ATOSA: variants seen among roughly 807,000 people sequenced by gnomAD.
ATOSA encodes the protein atos homolog protein A.
the ATOSA span, among the ~76,000 whole-genome samples, chr15:52,614,903 T>G: frequency 3.9e-5 from 6 of 152,158 alleles, no homozygotes; most frequent in Non-Finnish European, 5.9e-5. Context: ...TGCACACAAA[T>G]CATCACTAAT....
the ATOSA span, among the ~76,000 whole-genome samples, chr15:52,583,972 A>G: frequency 6.6e-6 from 1 of 151,968 alleles, no homozygotes; most frequent in African/African-American, 2.4e-5. Context: ...CAAGGCATAT[A>G]TAAAGAAAGA....
At chr15:52,587,132 T>G in the ATOSA span, 2 of 1,612,622 alleles carry the variant, frequency 1.2e-6, no homozygotes, top group East Asian at 4.5e-5. Flanking sequence ...ATTGCAATTG[T>G]AGGCTATAAA....
At chr15:52,693,904 G>A in the ATOSA span, among the ~76,000 whole-genome samples, 2 of 152,138 alleles carry the variant, frequency 1.3e-5, no homozygotes, top group Non-Finnish European at 2.9e-5. Context: ...CAATAGTTGA[G>A]TGGAATGGCA....
At chr15:52,688,802 A>G in the ATOSA span, among the ~76,000 whole-genome samples, 1 of 152,196 alleles carries the variant, frequency 6.6e-6, no homozygotes, top group African/African-American at 2.4e-5. Flanking sequence ...GTGTTTAGCT[A>G]TGTTGGCTGT....
the ATOSA span, among the ~76,000 whole-genome samples, chr15:52,691,219 C>CT: frequency 6.6e-6 from 1 of 152,024 alleles, no homozygotes; most frequent in African/African-American, 2.4e-5. Flanking sequence ...ATCATTCAAA[C>CT]TTTTACAGGC....
the ATOSA span, among the ~76,000 whole-genome samples, chr15:52,646,117 C>T: frequency 6.6e-6 from 1 of 152,206 alleles, no homozygotes; most frequent in African/African-American, 2.4e-5. Context: ...CTTTCAACAT[C>T]CTTCTCCCAA....
chr15:52,668,886 C>A, the ATOSA span, among the ~76,000 whole-genome samples: 2 of 132,228 alleles, frequency 1.5e-5, no homozygotes, highest in African/African-American at 5.7e-5. Flanking sequence ...TGTAGTATTT[C>A]AACTTTTCTG....
chr15:52,675,815 A>C, the ATOSA span, among the ~76,000 whole-genome samples: 2 of 152,048 alleles, frequency 1.3e-5, no homozygotes, highest in Non-Finnish European at 2.9e-5. Context: ...CTGAGGCAGG[A>C]GAATGGCGTG....
the ATOSA span, chr15:52,611,774 G>A: frequency 4.0e-5 from 64 of 1,612,974 alleles, no homozygotes; most frequent in Admixed American, 6.7e-4. Flanking sequence ...CTGGCTTGGC[G>A]GCACTTAGAG....
the ATOSA span, among the ~76,000 whole-genome samples, chr15:52,640,571 C>CAAAAAAAAAA: frequency 1.5e-4 from 4 of 27,570 alleles, no homozygotes; most frequent in East Asian, 1.3e-3. Context: ...ACTCAAGTCT[C>CAAAAAAAAAA]AAAAAAAAAA....
At chr15:52,660,921 C>T in the ATOSA span, among the ~76,000 whole-genome samples, 45 of 152,238 alleles carry the variant, frequency 3.0e-4, no homozygotes, top group East Asian at 6.6e-3. Flanking sequence ...CCCAAAGTAC[C>T]GGGATTACAG....
the ATOSA span, among the ~76,000 whole-genome samples, chr15:52,588,339 G>T: frequency 6.6e-6 from 1 of 152,142 alleles, no homozygotes; most frequent in Admixed American, 6.5e-5. Context: ...TTAAAACAAG[G>T]TAAGTTCAAA....
the ATOSA span, among the ~76,000 whole-genome samples, chr15:52,691,414 A>G: frequency 2.0e-5 from 3 of 152,258 alleles, no homozygotes; most frequent in Non-Finnish European, 1.5e-5. Context: ...GAAAGATAAT[A>G]TAACTGTGGC....
At chr15:52,621,152 T>C in the ATOSA span, among the ~76,000 whole-genome samples, 1 of 152,176 alleles carries the variant, frequency 6.6e-6, no homozygotes, top group Admixed American at 6.5e-5. Context: ...TGGTTAAATA[T>C]ACTGTGGTCC....
chr15:52,603,758 A>G, the ATOSA span, among the ~76,000 whole-genome samples: 1 of 152,212 alleles, frequency 6.6e-6, no homozygotes, highest in East Asian at 1.9e-4. Flanking sequence ...TCTCACTCAT[A>G]TGGGGGAGCT....
chr15:52,632,149 T>A, the ATOSA span, among the ~76,000 whole-genome samples: 18 of 152,182 alleles, frequency 1.2e-4, no homozygotes, highest in Non-Finnish European at 2.5e-4. Flanking sequence ...AAAGACTAAT[T>A]TCATCTGAAT....
At chr15:52,683,207 T>A in the ATOSA span, among the ~76,000 whole-genome samples, 3 of 152,120 alleles carry the variant, frequency 2.0e-5, no homozygotes, top group African/African-American at 7.2e-5. Flanking sequence ...TGCTCAGCAT[T>A]TTACATATAT....
At chr15:52,593,156 G>C in the ATOSA span, among the ~76,000 whole-genome samples, 2 of 149,028 alleles carry the variant, frequency 1.3e-5, no homozygotes, top group African/African-American at 5.0e-5. Context: ...AAAAAAAAAA[G>C]AACCCTAGGA....
chr15:52,614,529 A>G, the ATOSA span, among the ~76,000 whole-genome samples: 9 of 151,864 alleles, frequency 5.9e-5, no homozygotes, highest in African/African-American at 2.2e-4. Flanking sequence ...AGAGATATCT[A>G]TTGTTAACTT....
Sources: allele counts gnomAD v4.1 joint callset (sites outside exome capture counted in the v4.1 genomes callset), GRCh38; gene constraint gnomAD v4.1.1; transcripts MANE v1.5; gene names NCBI Gene and HGNC (gene_info 2026-07-23, HGNC 2026-07-21).